The following ADAMTSL3 variants were observed in gnomAD, a reference collection of about 807,000 sequenced individuals.
The protein encoded by ADAMTSL3 is ADAMTS-like protein 3.
Under a neutral mutation model 201.7 loss-of-function variants are expected in ADAMTSL3, and 128 were observed. The ratio of observed to expected loss-of-function variants is 0.63; its 90% CI spans 0.55 to 0.73. The LOEUF (loss-of-function observed/expected upper bound fraction) is 0.73. Among genes scored for constraint, ADAMTSL3 ranks in the 30% least tolerant of loss-of-function variants. The pLI, the probability that ADAMTSL3 is intolerant of heterozygous loss-of-function variation, is 0.00. For synonymous variants in ADAMTSL3, 738 were observed against 748.4 expected, an observed-to-expected ratio of 0.99 and a Z score of 0.23; for missense variants, 1,990 against 2,119.6, an observed-to-expected ratio of 0.94 and a Z score of 1.20.
chr15:83,703,742 G>T (rs545154649), intron 2 of ADAMTSL3, among the ~76,000 whole-genome samples: 2 of 152,036 alleles, frequency 1.3e-5, no homozygotes, highest in African/African-American at 4.8e-5. Context: ...GCATGAAAAC[G>T]GACTGGGGTA....
intron 3 of ADAMTSL3, among the ~76,000 whole-genome samples, chr15:83,767,286 G>A (rs1005210621): frequency 3.3e-5 from 5 of 152,262 alleles, no homozygotes; most frequent in South Asian, 2.1e-4. Context: ...CAGTGCTTGC[G>A]TTATGTAGGA....
intron 3 of ADAMTSL3, among the ~76,000 whole-genome samples, chr15:83,733,866 C>T (rs2062325407): frequency 6.6e-6 from 1 of 151,998 alleles, no homozygotes; most frequent in Non-Finnish European, 1.5e-5. Flanking sequence ...GGCGTAGTGC[C>T]CAGTAAAAGC....
chr15:83,769,261 A>C (rs888829900), intron 3 of ADAMTSL3, among the ~76,000 whole-genome samples: 3 of 152,208 alleles, frequency 2.0e-5, no homozygotes, highest in Admixed American at 6.5e-5. Flanking sequence ...TCAACTTTTC[A>C]CATTCAACCT....
chr15:83,791,647 A>C (rs998184756), intron 4 of ADAMTSL3, among the ~76,000 whole-genome samples: 5 of 152,158 alleles, frequency 3.3e-5, no homozygotes, highest in Non-Finnish European at 7.4e-5. Flanking sequence ...TCACGAGGTC[A>C]GGAGATCGAG....
At position 83,735,836 on chromosome 15, in the gene ADAMTSL3, T is replaced by G. The variant is rs183460840; in HGVS notation, c.189+31328T>G. Among the ~76,000 whole-genome samples the G allele has an allele frequency of 5.3e-5, 8 of 152,094 alleles. No homozygotes were observed. In the East Asian group the frequency reaches 1.5e-3, roughly 29 times the overall value. On this transcript the variant is annotated intron_variant, in intron 3 of 29. Transcript: ENST00000286744. ...CACGTAAAATAAAATTTTAAGGAGT[T>G]TCTGGCTAGAAAGAGGCTACCAATA...
At chr15:83,844,850 T>C (rs184292444) in intron 7 of ADAMTSL3, among the ~76,000 whole-genome samples, 14 of 152,360 alleles carry the variant, frequency 9.2e-5, no homozygotes, top group African/African-American at 3.4e-4. Flanking sequence ...GCAGACAGAC[T>C]GTGAACTCCC....
intron 3 of ADAMTSL3, among the ~76,000 whole-genome samples, chr15:83,729,916 T>A (rs1283888497): frequency 2.0e-5 from 3 of 152,036 alleles, no homozygotes; most frequent in Non-Finnish European, 4.4e-5. Flanking sequence ...GCTTTCTAAG[T>A]ATTTGATGGG....
intron 9 of ADAMTSL3, among the ~76,000 whole-genome samples, chr15:83,871,827 G>A (rs1027604170): frequency 6.6e-6 from 1 of 152,246 alleles, no homozygotes; most frequent in East Asian, 1.9e-4. Context: ...GCCGTATCCT[G>A]TTTCAGAAAC....
At chr15:83,717,802 G>A (rs2062040140) in intron 3 of ADAMTSL3, among the ~76,000 whole-genome samples, 1 of 152,152 alleles carries the variant, frequency 6.6e-6, no homozygotes, top group African/African-American at 2.4e-5. Flanking sequence ...TTCACTGAAG[G>A]TCAGTATATC....
intron 19 of ADAMTSL3, among the ~76,000 whole-genome samples, chr15:83,955,566 T>A (rs1255139924): frequency 6.6e-6 from 1 of 152,100 alleles, no homozygotes; most frequent in Non-Finnish European, 1.5e-5. Flanking sequence ...CCAAGGCCCA[T>A]GGCATACTAC....
intron 15 of ADAMTSL3, among the ~76,000 whole-genome samples, chr15:83,903,978 T>C (rs1010429573): frequency 5.4e-5 from 7 of 130,424 alleles, no homozygotes; most frequent in Admixed American, 1.6e-4. Context: ...GAAAAGGAGC[T>C]ACAGTGAGGT....
chr15:83,759,957 C>G (rs1475526485), intron 3 of ADAMTSL3, among the ~76,000 whole-genome samples: 4 of 151,694 alleles, frequency 2.6e-5, no homozygotes, highest in African/African-American at 9.7e-5. Flanking sequence ...AGTGACTTTT[C>G]TCTCTTATTC....
intron 7 of ADAMTSL3, among the ~76,000 whole-genome samples, chr15:83,846,027 C>A (rs980136711): frequency 1.3e-5 from 2 of 152,148 alleles, no homozygotes; most frequent in Non-Finnish European, 2.9e-5. Flanking sequence ...AGACCAGCAT[C>A]CCTATGGAAG....
intron 15 of ADAMTSL3, among the ~76,000 whole-genome samples, chr15:83,908,452 T>A (rs2065878888): frequency 1.3e-5 from 2 of 152,370 alleles, no homozygotes; most frequent in African/African-American, 4.8e-5. Flanking sequence ...CATCATTACA[T>A]TTAATTCTCA....
intron 23 of ADAMTSL3, among the ~76,000 whole-genome samples, chr15:84,011,075 CCA>C (rs2067998870): frequency 6.6e-6 from 1 of 152,232 alleles, no homozygotes; most frequent in African/African-American, 2.4e-5. Context: ...CTTAGCATTG[CCA>C]CAGAGTCTTA....
intron 8 of ADAMTSL3, among the ~76,000 whole-genome samples, chr15:83,861,325 T>C (rs142841171): frequency 0.036 from 5,488 of 152,262 alleles, 318 homozygotes; most frequent in African/African-American, 0.13. Flanking sequence ...GATCTGAGAA[T>C]GGACAGACTG....
Position 83,982,394 on chromosome 15 carries a change from C to T in ADAMTSL3, c.2766C>T (p.Ala922=), listed in dbSNP as rs1173867566. The change falls in exon 21 of 30, where the codon GCC becomes GCT. Residue 922 remains alanine, a synonymous_variant. Coordinates refer to ENST00000286744, the MANE Select transcript of ADAMTSL3 (RefSeq NM_207517.3). ...KRINLTIGSR[A]YLLPNTSVII... is the part of the protein sequence containing the mutation. ...TTAACCTGACCATTGGTAGCAGAGC[C>T]TATTTGCTGCCCAACACATCCGTGA... 2 of 1,613,948 alleles carry T rather than the reference C, an allele frequency of 1.2e-6. No homozygotes were observed. Among genetic ancestry groups the T allele is most frequent in the Non-Finnish European group, 1.7e-6 (2 of 1,179,990 alleles).
chr15:83,859,872 G>C (rs1301228261), intron 8 of ADAMTSL3, among the ~76,000 whole-genome samples: 4 of 152,168 alleles, frequency 2.6e-5, no homozygotes, highest in Non-Finnish European at 5.9e-5. Flanking sequence ...AACTATTTTT[G>C]TATAGGATGG....
At chr15:83,996,040 A>G (rs2067681195) in intron 23 of ADAMTSL3, among the ~76,000 whole-genome samples, 2 of 152,236 alleles carry the variant, frequency 1.3e-5, no homozygotes, top group African/African-American at 4.8e-5. Context: ...GTAAATTGTT[A>G]TAGGATAATT....
Sources: allele counts gnomAD v4.1 joint callset (sites outside exome capture counted in the v4.1 genomes callset), GRCh38; gene constraint gnomAD v4.1.1; transcripts MANE v1.5; gene names NCBI Gene and HGNC (gene_info 2026-07-23, HGNC 2026-07-21).